The following KCNH8 variants were observed in gnomAD, a reference collection of about 807,000 sequenced individuals.
KCNH8 encodes voltage-gated delayed rectifier potassium channel KCNH8.
Under a neutral mutation model 103.6 loss-of-function variants are expected in KCNH8, and 70 were observed. The observed-to-expected ratio is 0.68, with a 90% CI of 0.56 to 0.82. The LOEUF is 0.82. KCNH8 is among the 40% of genes least tolerant of loss of function. The pLI is 0.00. For missense variants in KCNH8, 1,217 were observed against 1,329.9 expected (o/e 0.92, Z 1.32); for synonymous variants, 498 against 489.4 (o/e 1.02, Z -0.23).
chr3:19,157,937 A>T (rs1299923271), intron 1 of KCNH8, among the ~76,000 whole-genome samples: 1 of 151,798 alleles, frequency 6.6e-6, no homozygotes, highest in Non-Finnish European at 1.5e-5. Context: ...ATGAATTAAT[A>T]AATTTCCCTG....
At chr3:19,341,191 T>G (rs2065655089) in intron 3 of KCNH8, among the ~76,000 whole-genome samples, 1 of 152,114 alleles carries the variant, frequency 6.6e-6, no homozygotes, top group South Asian at 2.1e-4. Context: ...CTTGAGGTGC[T>G]TTCCCTTACC....
At chr3:19,159,601 T>C (rs1419477092) in intron 1 of KCNH8, among the ~76,000 whole-genome samples, 2 of 152,118 alleles carry the variant, frequency 1.3e-5, no homozygotes, top group African/African-American at 4.8e-5. Context: ...GTTTTGGCTG[T>C]GGCCTTGTCT....
chr3:19,279,801 A>G (rs909719071), intron 2 of KCNH8, among the ~76,000 whole-genome samples: 1 of 152,114 alleles, frequency 6.6e-6, no homozygotes, highest in African/African-American at 2.4e-5. Context: ...GCAGAAAAAA[A>G]TGATAGATCC....
chr3:19,162,201 A>T (rs1002793654), intron 1 of KCNH8, among the ~76,000 whole-genome samples: 8 of 152,126 alleles, frequency 5.3e-5, no homozygotes, highest in African/African-American at 1.7e-4. Context: ...AAACTTGCAG[A>T]TAGAAGCACA....
intron 2 of KCNH8, among the ~76,000 whole-genome samples, chr3:19,276,973 A>G (rs927302767): frequency 4.6e-5 from 7 of 152,180 alleles, no homozygotes; most frequent in Admixed American, 2.0e-4. Context: ...CCATCAAGGT[A>G]TGGATAAAGT....
At chr3:19,347,662 CTAT>C in intron 4 of KCNH8, 60 bp from the exon 5 acceptor site, 1 of 1,576,814 alleles carries the variant, frequency 6.3e-7, no homozygotes, top group Admixed American at 1.7e-5. Context: ...GTGTTTCAAG[CTAT>C]GTAATCCTTG....
intron 2 of KCNH8, among the ~76,000 whole-genome samples, chr3:19,280,571 A>G (rs988189646): frequency 6.6e-6 from 1 of 152,088 alleles, no homozygotes; most frequent in Non-Finnish European, 1.5e-5. Context: ...ATATTCATCT[A>G]TTTGGTTTCA....
chr3:19,504,962 G>GT (rs1323073977), intron 11 of KCNH8, among the ~76,000 whole-genome samples: 14 of 148,538 alleles, frequency 9.4e-5, no homozygotes, highest in Non-Finnish European at 3.0e-5. Context: ...AAAAGAAAAT[G>GT]TGAGATATAT....
chr3:19,396,594 G>T (rs568364106), intron 7 of KCNH8, among the ~76,000 whole-genome samples: 1 of 151,940 alleles, frequency 6.6e-6, no homozygotes, highest in African/African-American at 2.4e-5. Flanking sequence ...CAAAGAAAAT[G>T]GGGAAATAAA....
At chr3:19,359,311 G>C (rs1480480975) in intron 5 of KCNH8, among the ~76,000 whole-genome samples, 1 of 151,708 alleles carries the variant, frequency 6.6e-6, no homozygotes, top group Non-Finnish European at 1.5e-5. Context: ...AAACTATTAA[G>C]AAGATATAAC....
chr3:19,491,644 G>C lies in KCNH8; in HGVS notation c.2041-18719G>C, dbSNP rs144635761. Among the ~76,000 whole-genome samples, 227 of 152,290 alleles carry C rather than the reference G, an allele frequency of 1.5e-3. 1 individual carries two copies. Among genetic ancestry groups the C allele is most frequent in the African/African-American group, 5.3e-3 (220 of 41,566 alleles). ...TTGCTATAGTGAGTAGTGCAGCAAT[G>C]AACATATGAGTGAGCATTTCTTTTT... On this transcript the variant is annotated intron_variant, in intron 11 of 15. Transcript: ENST00000328405.
At chr3:19,300,855 ACTC>A (rs544788016) in intron 3 of KCNH8, among the ~76,000 whole-genome samples, 1 of 151,352 alleles carries the variant, frequency 6.6e-6, no homozygotes, top group African/African-American at 2.4e-5. Flanking sequence ...TAAATTTTTA[ACTC>A]CTTTTAGTTT....
At chr3:19,151,378 G>T (rs1198414116) in intron 1 of KCNH8, among the ~76,000 whole-genome samples, 2 of 151,856 alleles carry the variant, frequency 1.3e-5, no homozygotes, top group African/African-American at 2.4e-5. Flanking sequence ...TGCTGAGTTG[G>T]TATAATTTTT....
At chr3:19,276,494 A>G (rs115371363) in intron 2 of KCNH8, among the ~76,000 whole-genome samples, 1,928 of 152,226 alleles carry the variant, frequency 0.013, 35 homozygotes, top group African/African-American at 0.042. Flanking sequence ...AGAGAACATC[A>G]AATGTGTCCA....
At chr3:19,295,969 A>G (rs2064992313) in intron 3 of KCNH8, among the ~76,000 whole-genome samples, 1 of 152,072 alleles carries the variant, frequency 6.6e-6, no homozygotes, top group Non-Finnish European at 1.5e-5. Flanking sequence ...TTTGCATCCC[A>G]GCTAGCTTGT....
At chr3:19,470,038 C>T (rs1455515566) in intron 11 of KCNH8, among the ~76,000 whole-genome samples, 2 of 151,930 alleles carry the variant, frequency 1.3e-5, no homozygotes, top group Non-Finnish European at 2.9e-5. Flanking sequence ...AAAGTAGTTA[C>T]TTTCACCCTT....
In KCNH8 at chr3:19,533,413, G is replaced by C; in HGVS notation, c.2638G>C (p.Glu880Gln). 6.2e-7 allele frequency: 1 copy of C among 1,613,684 alleles called. No individual in the cohort carries two copies. Among genetic ancestry groups the C allele is most frequent in the Non-Finnish European group, 8.5e-7 (1 of 1,179,612 alleles). Residue 880 changes from glutamate (E) to glutamine (Q), a missense_variant, in exon 16 of 16, where the codon GAA becomes CAA. This residue lies in a region of KCNH8 where 558 missense variants were observed against 495.8 expected (regional missense o/e 1.13). Coordinates refer to ENST00000328405, the MANE Select transcript of KCNH8 (RefSeq NM_144633.3). ...CACATAGGTAACAACATTGACTCAG[G>C]AAGTTTCTCAGTTGGGTAAAGACAT... ...LNSEVTTLTQ[E>Q]VSQLGKDMRN...
chr3:19,429,170 T>G (rs1434932430), intron 7 of KCNH8, among the ~76,000 whole-genome samples: 1 of 139,064 alleles, frequency 7.2e-6, no homozygotes, highest in Non-Finnish European at 1.6e-5. Context: ...CTCTTTTTTT[T>G]TTTTTTTTTT....
chr3:19,276,906 C>T (rs542405973), intron 2 of KCNH8, among the ~76,000 whole-genome samples: 2 of 152,192 alleles, frequency 1.3e-5, no homozygotes, highest in African/African-American at 4.8e-5. Flanking sequence ...TATCTGCATT[C>T]CTGTATTTAT....
Sources: allele counts gnomAD v4.1 joint callset (sites outside exome capture counted in the v4.1 genomes callset), GRCh38; gene constraint gnomAD v4.1.1; regional missense constraint gnomAD v4.1.1; transcripts MANE v1.5; gene names NCBI Gene and HGNC (gene_info 2026-07-23, HGNC 2026-07-21).